Variants in METTL9 observed in about 807,000 individuals in gnomAD.
METTL9 encodes methyltransferase 9, His-X-His N1(pi)-histidine.
Under a neutral mutation model 36.0 loss-of-function variants are expected in METTL9, and 10 were observed. The observed-to-expected ratio is 0.28, with a 90% CI of 0.17 to 0.47. METTL9 has a LOEUF of 0.47. METTL9 is among the 20% of genes least tolerant of loss of function. The pLI is 0.99. For missense variants in METTL9, 246 were observed against 383.5 expected (o/e 0.64, Z 3.00); for synonymous variants, 175 against 149.7 (o/e 1.17, Z -1.23).
chr16:21,635,824 C>T (rs564631577), intron 4 of METTL9, among the ~76,000 whole-genome samples: 2 of 152,108 alleles, frequency 1.3e-5, no homozygotes, highest in African/African-American at 2.4e-5. Flanking sequence ...CTGCAGCAGT[C>T]CCCGGACCCT....
At chr16:21,634,825 T>A (rs1308843755) in intron 4 of METTL9, among the ~76,000 whole-genome samples, 1 of 152,178 alleles carries the variant, frequency 6.6e-6, no homozygotes, top group Non-Finnish European at 1.5e-5. Flanking sequence ...TTTTCTTCCT[T>A]TCCCTGAGTT....
At chr16:21,621,691 G>C (rs571475962) in intron 3 of METTL9, among the ~76,000 whole-genome samples, 1 of 152,066 alleles carries the variant, frequency 6.6e-6, no homozygotes, top group Non-Finnish European at 1.5e-5. Context: ...CTTTGTATTC[G>C]CAAGTTGTCA....
At chr16:21,630,744 T>A (rs1037654429) in intron 4 of METTL9, among the ~76,000 whole-genome samples, 4 of 152,074 alleles carry the variant, frequency 2.6e-5, no homozygotes, top group Non-Finnish European at 5.9e-5. Flanking sequence ...CTTGATGGCC[T>A]CCATTCTAGA....
At chr16:21,612,414 C>T in intron 1 of METTL9, 1 of 384,878 alleles carries the variant, frequency 2.6e-6, no homozygotes, top group Non-Finnish European at 4.4e-6. Context: ...ACCCACTCTA[C>T]CTACCTTGAG....
intron 1 of METTL9, among the ~76,000 whole-genome samples, chr16:21,600,135 C>T (rs1303140502): frequency 6.6e-6 from 1 of 152,132 alleles, no homozygotes; most frequent in Non-Finnish European, 1.5e-5. Context: ...GGGGCATGGC[C>T]TCCCGGGCCC....
intron 2 of METTL9, among the ~76,000 whole-genome samples, chr16:21,617,556 T>C (rs1468995893): frequency 6.6e-6 from 1 of 151,438 alleles, no homozygotes; most frequent in Non-Finnish European, 1.5e-5. Context: ...GGTGAAACCC[T>C]GTCTCCACTA....
chr16:21,608,111 T>G (rs1368133619), intron 1 of METTL9, among the ~76,000 whole-genome samples: 1 of 151,438 alleles, frequency 6.6e-6, no homozygotes, highest in Non-Finnish European at 1.5e-5. Context: ...ATCACACCAC[T>G]GCACTCCATC....
At chr16:21,634,622 C>T (rs1363778274) in intron 4 of METTL9, among the ~76,000 whole-genome samples, 2 of 152,100 alleles carry the variant, frequency 1.3e-5, no homozygotes, top group Non-Finnish European at 2.9e-5. Flanking sequence ...TATAGAACAC[C>T]GAGGTTGCCA....
intron 1 of METTL9, among the ~76,000 whole-genome samples, chr16:21,606,218 TC>T (rs973365213): frequency 2.0e-4 from 31 of 151,998 alleles, no homozygotes; most frequent in African/African-American, 7.3e-4. Flanking sequence ...GTGCCTGTAA[TC>T]CCAGCTACTG....
intron 4 of METTL9, 142 bp from the exon 5 acceptor site, chr16:21,655,085 C>A: frequency 1.4e-6 from 1 of 691,492 alleles, no homozygotes; most frequent in Non-Finnish European, 2.5e-6. Flanking sequence ...CAAAGAGTAC[C>A]TGGGAAGTAC....
Position 21,655,906 on chromosome 16 carries a change from T to A in METTL9, c.*474T>A, listed in dbSNP as rs1966697177. The A allele has an allele frequency of 6.5e-6, 1 of 154,378 alleles. No individual in the cohort carries two copies. The highest frequency in any genetic ancestry group is 2.0e-4 in the South Asian group (1 of 5,052). 9.6% of individuals were successfully genotyped at this position (154,378 alleles called of 1,614,324 possible). On this transcript the variant is annotated 3_prime_UTR_variant, in exon 5 of 5. Transcript: ENST00000358154. Reference sequence around the variant, plus strand: ...CTGTTATTATTCAAGAAAATGTTTTTAATCATGCTAATAAACTTTTTTGGA... The same window carrying A: ...CTGTTATTATTCAAGAAAATGTTTTAAATCATGCTAATAAACTTTTTTGGA...
chr16:21,598,241 C>T (rs1295065592), upstream of METTL9, among the ~76,000 whole-genome samples: 2 of 150,592 alleles, frequency 1.3e-5, no homozygotes, highest in East Asian at 4.0e-4. Context: ...CCCAGCTGCT[C>T]GGGAGGCTGA....
rs1965335619 is a variant in METTL9, at chr16:21,608,070, AC to A, written c.166-4572del. ...AGGCTCAGGCGAGAGAATCACTTGA[AC>A]CCGGCAGGCAGAGGTTGCAGAGAGC... On this transcript the variant is annotated intron_variant, in intron 1 of 4. Coordinates refer to ENST00000358154, the MANE Select transcript of METTL9 (RefSeq NM_016025.5). Among the ~76,000 whole-genome samples, 5 of 151,770 alleles carry A rather than the reference AC, an allele frequency of 3.3e-5. No individual in the cohort carries two copies. In the South Asian group the frequency reaches 1.0e-3, roughly 32 times the overall value.
chr16:21,627,993 G>C (rs1476628814), intron 4 of METTL9, among the ~76,000 whole-genome samples: 1 of 152,050 alleles, frequency 6.6e-6, no homozygotes, highest in Non-Finnish European at 1.5e-5. Context: ...ATCCAGTCCA[G>C]TTCCACAATC....
intron 3 of METTL9, among the ~76,000 whole-genome samples, chr16:21,623,137 A>G (rs1965744243): frequency 6.6e-6 from 1 of 152,194 alleles, no homozygotes; most frequent in African/African-American, 2.4e-5. Context: ...GACTTAGTAC[A>G]ACAAAGTGAT....
chr16:21,638,335 T>G (rs528851310), intron 4 of METTL9, among the ~76,000 whole-genome samples: 1 of 152,182 alleles, frequency 6.6e-6, no homozygotes, highest in South Asian at 2.1e-4. Flanking sequence ...AAAGAAAAAG[T>G]TGCAGTTTAA....
rs939420941 is a variant in METTL9 at position 21,644,874 on chromosome 16, A to C, written c.752-10353A>C. 2.0e-5 allele frequency among the ~76,000 whole-genome samples: 3 copies of C among 152,336 alleles called. No homozygotes were observed. The South Asian group carries it at 6.2e-4, about 32-fold the overall frequency. On this transcript the variant is annotated intron_variant, in intron 4 of 4. Coordinates refer to ENST00000358154, the MANE Select transcript of METTL9 (RefSeq NM_016025.5). ...ATAGCTGAAGAGTCCCATCTGTGAA[A>C]GAACCTGGGAAGGCCATACATTGAG...
chr16:21,625,263 A>G, intron 4 of METTL9, 148 bp downstream of exon 4: 2 of 838,522 alleles, frequency 2.4e-6, no homozygotes, highest in Admixed American at 4.5e-5. Flanking sequence ...GTAAAACACC[A>G]TCTTGGTTAA....
At chr16:21,613,847 T>C (rs903625683) in intron 2 of METTL9, among the ~76,000 whole-genome samples, 1 of 131,814 alleles carries the variant, frequency 7.6e-6, no homozygotes, top group African/African-American at 3.0e-5. Flanking sequence ...TTTTTTTTTT[T>C]CAATCCTTTC....
Sources: allele counts gnomAD v4.1 joint callset (sites outside exome capture counted in the v4.1 genomes callset), GRCh38; gene constraint gnomAD v4.1.1; transcripts MANE v1.5; gene names NCBI Gene and HGNC (gene_info 2026-07-23, HGNC 2026-07-21).